The following SEC62 variants were observed in gnomAD, a reference collection of about 807,000 sequenced individuals.
SEC62 encodes SEC62 preprotein translocation factor.
A neutral mutation model predicts 47.5 loss-of-function variants in SEC62; 10 were observed. That is an observed-to-expected ratio of 0.21 (90% confidence interval 0.13 to 0.36). The LOEUF (loss-of-function observed/expected upper bound fraction) is 0.36, where lower values mean the gene tolerates loss of function less well. Among genes scored for constraint, SEC62 ranks in the 10% least tolerant of loss-of-function variants. The pLI is 1.00. For synonymous variants in SEC62, 136 were observed against 150.5 expected, an observed-to-expected ratio of 0.90 and a Z score of 0.71; for missense variants, 327 against 464.1, an observed-to-expected ratio of 0.70 and a Z score of 2.71.
chr3:169,968,834 T>G (rs1714620921), intron 1 of SEC62, among the ~76,000 whole-genome samples: 1 of 152,206 alleles, frequency 6.6e-6, no homozygotes, highest in African/African-American at 2.4e-5. Context: ...TAAAATCTAC[T>G]GGGCATACTG....
chr3:169,978,929 A>C (rs987575815), intron 3 of SEC62, among the ~76,000 whole-genome samples: 1 of 152,204 alleles, frequency 6.6e-6, no homozygotes, highest in Non-Finnish European at 1.5e-5. Flanking sequence ...TGTGTTCTTA[A>C]CTACCGCTCT....
chr3:169,978,018 G>GC (rs1714876932), intron 3 of SEC62, among the ~76,000 whole-genome samples: 1 of 152,224 alleles, frequency 6.6e-6, no homozygotes, highest in Non-Finnish European at 1.5e-5. Context: ...AGTGGCTCAT[G>GC]CCCGTAATCC....
chr3:169,992,598 A>G lies in SEC62; in HGVS notation c.735A>G (p.Arg245=), dbSNP rs565398052. The change falls in exon 8 of 8, where the codon CGA becomes CGG. Residue 245 remains arginine, a synonymous_variant. Coordinates refer to ENST00000337002, the MANE Select transcript of SEC62 (RefSeq NM_003262.4). This position sits in a 1 kb window ranked among gnomAD's most constrained non-coding sequence, Gnocchi z 4.0. Reference sequence around the variant, plus strand: ...GAGAAATTTTTCTCCCCACAGCTCGATGCATTCTATTTCTCATCATTTGGC... The same window carrying G: ...GAGAAATTTTTCTCCCCACAGCTCGGTGCATTCTATTTCTCATCATTTGGC... ...VASILLLAVA[R]CILFLIIWLI... 6 of 1,610,666 alleles carry G rather than the reference A, an allele frequency of 3.7e-6. No homozygotes were observed. The East Asian group carries it at 1.3e-4, about 36-fold the overall frequency.
At chr3:169,975,557 A>G in intron 1 of SEC62, 51 bp from the exon 2 acceptor site, 1 of 1,140,290 alleles carries the variant, frequency 8.8e-7, no homozygotes, top group Non-Finnish European at 1.3e-6. Flanking sequence ...TATTCAGCGC[A>G]TGAATTTCTC....
intron 7 of SEC62, among the ~76,000 whole-genome samples, chr3:169,991,430 TAG>T (rs889165251): frequency 6.6e-6 from 1 of 151,524 alleles, no homozygotes; most frequent in African/African-American, 2.4e-5. Flanking sequence ...GGAGGATAGA[TAG>T]AGAGAGAGAG....
intron 3 of SEC62, among the ~76,000 whole-genome samples, chr3:169,979,605 T>G (rs998920880): frequency 6.6e-6 from 1 of 152,164 alleles, no homozygotes; most frequent in African/African-American, 2.4e-5. Flanking sequence ...CTTGCCACTT[T>G]CCCTAAACGG....
In SEC62 at chr3:169,976,915, C is replaced by T. The variant is rs762830671; in HGVS notation, c.146-31C>T. The T allele has an allele frequency of 4.0e-6, 6 of 1,483,790 alleles. No individual in the cohort carries two copies. The South Asian group carries it at 6.1e-5, about 15-fold the overall frequency. The allele number at this position is 1,483,790 out of a possible 1,614,324, so 91.9% of individuals were successfully genotyped here. A position where few individuals can be genotyped will look rare whatever the true frequency, so the allele number is the denominator to read the frequency against. ...AGATAGACATAAATCCCCATGTATGCTAAATTTAAAATAATGAATTTCTTC... is the reference window on the plus strand; with the variant it reads ...AGATAGACATAAATCCCCATGTATGTTAAATTTAAAATAATGAATTTCTTC... On this transcript the variant is annotated intron_variant, in intron 2 of 7. Coordinates refer to ENST00000337002, the MANE Select transcript of SEC62 (RefSeq NM_003262.4).
intron 6 of SEC62, among the ~76,000 whole-genome samples, chr3:169,986,900 A>G (rs765023015): frequency 4.0e-5 from 6 of 151,668 alleles, no homozygotes; most frequent in Non-Finnish European, 7.4e-5. Context: ...TAATTTTTGT[A>G]TTTTTTTGTA....
chr3:169,976,062 A>G (rs1714828078), intron 2 of SEC62, among the ~76,000 whole-genome samples: 1 of 152,138 alleles, frequency 6.6e-6, no homozygotes, highest in African/African-American at 2.4e-5. Context: ...ATAACACCAG[A>G]GCTTATAAGT....
intron 4 of SEC62, 40 bp from the exon 5 acceptor site, chr3:169,983,121 T>C: frequency 6.6e-7 from 1 of 1,522,382 alleles, no homozygotes; most frequent in Non-Finnish European, 9.0e-7. Flanking sequence ...ATTTCTTGCT[T>C]ACTTGTGTTA....
chr3:169,968,550 CAAGAAAA>C (rs892074484), intron 1 of SEC62: 120 of 149,330 alleles, frequency 8.0e-4, no homozygotes, highest in African/African-American at 2.8e-3. Context: ...AAAAAAAAAG[CAAGAAAA>C]AAGAAAAACT....
At chr3:169,976,317 A>G (rs933070066) in intron 2 of SEC62, among the ~76,000 whole-genome samples, 3 of 152,156 alleles carry the variant, frequency 2.0e-5, no homozygotes, top group Non-Finnish European at 1.5e-5. Context: ...GCAGTTAACT[A>G]TGATCCCACC....
intron 5 of SEC62, among the ~76,000 whole-genome samples, chr3:169,984,099 C>G (rs535117245): frequency 2.6e-5 from 4 of 152,162 alleles, no homozygotes; most frequent in Admixed American, 2.0e-4. Context: ...AGGATATATC[C>G]TTTCCTGTTA....
chr3:169,966,963 GGGGT>G, intron 1 of SEC62, 105 bp downstream of exon 1: 4 of 1,064,910 alleles, frequency 3.8e-6, no homozygotes, highest in East Asian at 3.9e-5. Flanking sequence ...GAGGTGGGGT[GGGGT>G]GGGGTGGGGT....
intron 1 of SEC62, chr3:169,975,328 C>A (rs2108281433): frequency 8.7e-6 from 2 of 230,904 alleles, no homozygotes; most frequent in South Asian, 1.3e-4. Context: ...TGAACTGGTA[C>A]AAAGTAGTTA....
At chr3:169,990,139 T>C (rs1008191617) in intron 7 of SEC62, among the ~76,000 whole-genome samples, 1 of 151,440 alleles carries the variant, frequency 6.6e-6, no homozygotes, top group Non-Finnish European at 1.5e-5. Context: ...TCTTGCTCTG[T>C]TGCCCAGGGT....
intron 7 of SEC62, 130 bp downstream of exon 7, chr3:169,988,489 T>A (rs961904501): frequency 1.7e-5 from 17 of 998,354 alleles, no homozygotes; most frequent in Admixed American, 2.3e-5. Context: ...TACTACTTTC[T>A]GAGTCAAATC....
At position 169,993,058 on chromosome 3, in the gene SEC62, T is replaced by C; in HGVS notation, c.1195T>C (p.Ser399Pro). ...GETPKSSHEK[S>P] is the part of the protein sequence containing the mutation. ...AACACCTAAATCTTCACATGAAAAA[T>C]CATAATCTGACTAATTTTGGGACTG... Residue 399 changes from serine to proline, a missense_variant, in exon 8 of 8, where the codon TCA becomes CCA. Ser to Pro is a moderately conservative substitution (Grantham distance 74). This residue lies in a region of SEC62 where 102 missense variants were observed against 108.8 expected (regional missense o/e 0.94). Transcript: ENST00000337002. 6.3e-7 allele frequency: 1 copy of C among 1,589,336 alleles called. No homozygotes were observed. The highest frequency in any genetic ancestry group is 8.6e-7 in the Non-Finnish European group (1 of 1,168,804).
chr3:169,978,934 C>T (rs1336220872), intron 3 of SEC62, among the ~76,000 whole-genome samples: 1 of 152,124 alleles, frequency 6.6e-6, no homozygotes, highest in African/African-American at 2.4e-5. Context: ...TCTTAACTAC[C>T]GCTCTATACT....
Sources: gnomAD v4.1 joint callset for allele counts (sites outside exome capture counted in the v4.1 genomes callset) on GRCh38, gnomAD v4.1.1 for gene constraint, gnomAD v4.1.1 regional missense constraint, Gnocchi (gnomAD v3.1) non-coding constraint, MANE v1.5 for transcripts, NCBI Gene and HGNC (gene_info 2026-07-23, HGNC 2026-07-21) for gene names.